Variants in MTIF2 observed in about 807,000 individuals in gnomAD.
The protein encoded by MTIF2 is mitochondrial translational initiation factor 2.
A neutral mutation model predicts 83.5 loss-of-function variants in MTIF2; 71 were observed. That is an observed-to-expected ratio of 0.85 (90% CI 0.70 to 1.04). MTIF2 has a LOEUF of 1.04. MTIF2 is among the 50% of genes least tolerant of loss of function. The pLI, the probability that MTIF2 is intolerant of heterozygous loss-of-function variation, is 0.00. For missense variants in MTIF2, 957 were observed against 846.5 expected, an observed-to-expected ratio of 1.13 and a Z score of -1.62; for synonymous variants, 319 against 287.1, an observed-to-expected ratio of 1.11 and a Z score of -1.12.
At chr2:55,247,898 AT>A (rs1028380933) in intron 9 of MTIF2, among the ~76,000 whole-genome samples, 14 of 148,048 alleles carry the variant, frequency 9.5e-5, no homozygotes, top group South Asian at 4.3e-4. Flanking sequence ...AAATATTTTA[AT>A]TTTTTTTTTT....
intron 13 of MTIF2, among the ~76,000 whole-genome samples, chr2:55,241,382 C>T (rs1676291264): frequency 6.8e-6 from 1 of 146,200 alleles, no homozygotes. Flanking sequence ...TACGCCACTG[C>T]ACTCCAGCCT....
Position 55,249,465 on chromosome 2 carries a change from AGCT to A in MTIF2, c.908_910del (p.Glu303_Leu304delinsVal), listed in dbSNP as rs766502352. On this transcript the variant is annotated inframe_deletion, in exon 9 of 16. Coordinates refer to ENST00000263629, the MANE Select transcript of MTIF2 (RefSeq NM_002453.3). ...TTCACATACCACATCGTAAGCCAGC[AGCT>A]CTTTTTTCACTTTCTCAGGATCAGC... The A allele has an allele frequency of 2.5e-6, 4 of 1,614,052 alleles. No individual in the cohort carries two copies. In the African/African-American group the frequency reaches 5.3e-5, roughly 22 times the overall value.
chr2:55,242,348 A>G (rs1470613039), intron 13 of MTIF2, among the ~76,000 whole-genome samples: 6 of 152,124 alleles, frequency 3.9e-5, no homozygotes, highest in Non-Finnish European at 8.8e-5. Context: ...ATGATTCCTA[A>G]TCACTCAACA....
intron 8 of MTIF2, 82 bp downstream of exon 8, chr2:55,252,395 G>T: frequency 8.3e-7 from 1 of 1,210,066 alleles, no homozygotes. Flanking sequence ...TGGGATTGTT[G>T]TGAAGACTAA....
Position 55,244,192 on chromosome 2 carries a change from TTTC to T in MTIF2, c.1145_1147del (p.Arg382del). ...TTTTCCAGCAACCAGAACAGAGCCTTTTCTTAAAGTTCCTCTTTGAATTATAGC... is the reference window on the plus strand; with the variant it reads ...TTTTCCAGCAACCAGAACAGAGCCTTTTAAAGTTCCTCTTTGAATTATAGC... On this transcript the variant is annotated inframe_deletion, in exon 11 of 16. Coordinates refer to ENST00000263629, the MANE Select transcript of MTIF2 (RefSeq NM_002453.3). The T allele has an allele frequency of 6.2e-7, 1 of 1,614,050 alleles. No individual in the cohort carries two copies. The highest frequency in any genetic ancestry group is 8.5e-7 in the Non-Finnish European group (1 of 1,179,940).
rs139440913 is a variant in MTIF2 at position 55,259,870 on chromosome 2, G to T, written c.331+2446C>A. The stretch of plus-strand genomic sequence containing the variant: ...GAGGCACAAGAATTGCTTGAACTGG[G>T]GAGGCAGGAGTTGCAGTAAGCCAGG... On this transcript the variant is annotated intron_variant, in intron 5 of 15. Coordinates refer to ENST00000263629, the MANE Select transcript of MTIF2 (RefSeq NM_002453.3). Among the ~76,000 whole-genome samples, 297 of 152,120 alleles carry T rather than the reference G, an allele frequency of 2.0e-3. 1 individual carries two copies. The highest frequency in any genetic ancestry group is 3.4e-3 in the Middle Eastern group (1 of 294).
intron 6 of MTIF2, 100 bp from the exon 7 acceptor site, chr2:55,254,301 T>C: frequency 2.3e-6 from 3 of 1,315,414 alleles, no homozygotes; most frequent in Non-Finnish European, 3.1e-6. Flanking sequence ...CCATTAACAA[T>C]AAAACCCAAT....
At position 55,244,078 on chromosome 2, in the gene MTIF2, CA is replaced by C. The variant is rs1214067781; in HGVS notation, c.1261del (p.Trp421GlyfsTer14). 6.2e-7 allele frequency: 1 copy of C among 1,614,120 alleles called. No homozygotes were observed. Among genetic ancestry groups the C allele is most frequent in the Non-Finnish European group, 8.5e-7 (1 of 1,180,016 alleles). On this transcript the variant is annotated frameshift_variant, in exon 11 of 16. Transcript: ENST00000263629. LOFTEE classifies it high-confidence loss of function. The part of the protein sequence containing the change: ...YPSMPVGITG[W>X]RDLPSAGEEI... ...TTCTCCTGCAGAAGGAAGGTCTCTCCAGCCTGTAATTCCCACTGGCATGCTG... is the reference window on the plus strand; with the variant it reads ...TTCTCCTGCAGAAGGAAGGTCTCTCCGCCTGTAATTCCCACTGGCATGCTG...
chr2:55,267,980 T>C (rs1358442373), intron 2 of MTIF2, among the ~76,000 whole-genome samples: 2 of 152,078 alleles, frequency 1.3e-5, no homozygotes, highest in Admixed American at 6.6e-5. Flanking sequence ...AGGCTGGGCG[T>C]GATGGCTCAT....
chr2:55,249,863 G>A (rs1435369486), intron 8 of MTIF2, among the ~76,000 whole-genome samples: 5 of 152,054 alleles, frequency 3.3e-5, no homozygotes, highest in Non-Finnish European at 4.4e-5. Context: ...AAGCTGAGGC[G>A]GGTGGATCAC....
At chr2:55,244,321 CAT>C (rs765488393) in intron 10 of MTIF2, 88 bp from the exon 11 acceptor site, 327 of 942,486 alleles carry the variant, frequency 3.5e-4, no homozygotes, top group Admixed American at 4.1e-4. Flanking sequence ...GTTATATAAA[CAT>C]GTGTATACAC....
intron 13 of MTIF2, among the ~76,000 whole-genome samples, chr2:55,241,073 T>G (rs1429371928): frequency 6.6e-6 from 1 of 151,670 alleles, no homozygotes; most frequent in Non-Finnish European, 1.5e-5. Context: ...TGTAAATACT[T>G]TGGGAGAAAA....
At chr2:55,243,807 T>A in intron 11 of MTIF2, 139 bp from the exon 12 acceptor site, 1 of 1,073,882 alleles carries the variant, frequency 9.3e-7, no homozygotes, top group Non-Finnish European at 1.3e-6. Context: ...AAGAAACATG[T>A]AAAATTTTAA....
intron 12 of MTIF2, 137 bp downstream of exon 12, chr2:55,243,279 C>G: frequency 9.2e-7 from 1 of 1,088,606 alleles, no homozygotes; most frequent in South Asian, 1.7e-5. Context: ...ACAAAATCAG[C>G]AAGAAATATG....
At chr2:55,244,940 G>A (rs971629772) in intron 10 of MTIF2, among the ~76,000 whole-genome samples, 22 of 151,970 alleles carry the variant, frequency 1.4e-4, no homozygotes, top group African/African-American at 4.3e-4. Flanking sequence ...CCAGCTACTC[G>A]GGAGGCTGAG....
intron 12 of MTIF2, 77 bp downstream of exon 12, chr2:55,243,339 G>A: frequency 7.5e-7 from 1 of 1,336,840 alleles, no homozygotes; most frequent in Admixed American, 2.5e-5. Flanking sequence ...TCATGTAAAT[G>A]TAAAGGCCCA....
chr2:55,259,466 T>C (rs1369031168), intron 5 of MTIF2, among the ~76,000 whole-genome samples: 1 of 149,088 alleles, frequency 6.7e-6, no homozygotes, highest in Non-Finnish European at 1.5e-5. Context: ...ATTATGGTTA[T>C]GGGTTCCTCT....
intron 8 of MTIF2, among the ~76,000 whole-genome samples, chr2:55,249,883 GGAGTTT>G (rs1676972040): frequency 6.6e-6 from 1 of 152,154 alleles, no homozygotes; most frequent in Non-Finnish European, 1.5e-5. Context: ...CCTGAGGTCA[GGAGTTT>G]GAGATCAGCC....
Position 55,244,016 on chromosome 2 carries a change from A to T in MTIF2, c.1311+13T>A. On this transcript the variant is annotated intron_variant, in intron 11 of 15. Coordinates refer to ENST00000263629, the MANE Select transcript of MTIF2 (RefSeq NM_002453.3). ...ATATTATATCTAATATATAGGAATTAAGCTTGATACACCTCAGATTCTACT... is the reference window on the plus strand; with the variant it reads ...ATATTATATCTAATATATAGGAATTTAGCTTGATACACCTCAGATTCTACT... The T allele has an allele frequency of 1.2e-6, 2 of 1,603,656 alleles. No homozygotes were observed. The highest frequency in any genetic ancestry group is 1.7e-6 in the Non-Finnish European group (2 of 1,172,260).
Sources: allele counts gnomAD v4.1 joint callset (sites outside exome capture counted in the v4.1 genomes callset), GRCh38; gene constraint gnomAD v4.1.1; transcripts MANE v1.5; gene names NCBI Gene and HGNC (gene_info 2026-07-23, HGNC 2026-07-21).